The following ZFR variants were observed in gnomAD, a reference collection of about 807,000 sequenced individuals.
ZFR encodes zinc finger RNA-binding protein.
ZFR carries 19 observed loss-of-function variants against 130.7 expected under a neutral mutation model. That is an observed-to-expected ratio of 0.15 (90% CI 0.10 to 0.21). The LOEUF is 0.21. Ranked by LOEUF, ZFR falls within the 10% of genes least tolerant of loss-of-function variation. The probability of loss-of-function intolerance (pLI) is 1.00; values close to 1 mark genes in which losing one functional copy is unlikely to be tolerated. For synonymous variants in ZFR, 466 were observed against 456.9 expected, an observed-to-expected ratio of 1.02 and a Z score of -0.25; for missense variants, 872 against 1,321.5, an observed-to-expected ratio of 0.66 and a Z score of 5.27.
chr5:32,436,461 ATTCT>A (rs1361935193), intron 2 of ZFR, among the ~76,000 whole-genome samples: 1 of 151,878 alleles, frequency 6.6e-6, no homozygotes, highest in African/African-American at 2.4e-5. Context: ...CCATAGTTGT[ATTCT>A]TTATTTTTCT....
At chr5:32,404,202 A>G in intron 6 of ZFR, 105 bp from the exon 7 acceptor site, 1 of 1,024,750 alleles carries the variant, frequency 9.8e-7, no homozygotes, top group Non-Finnish European at 1.4e-6. Context: ...AATGAGACCA[A>G]AACAAACTTT....
At chr5:32,393,555 C>G (rs1419443681) in intron 11 of ZFR, among the ~76,000 whole-genome samples, 10 of 152,266 alleles carry the variant, frequency 6.6e-5, no homozygotes, top group Non-Finnish European at 1.3e-4. Context: ...GTTGGTCAGG[C>G]TGGTCTTGAA....
At position 32,428,212 on chromosome 5, in the gene ZFR, G is replaced by A. The variant is rs571024337; in HGVS notation, c.138-8109C>T. On this transcript the variant is annotated intron_variant, in intron 2 of 19. Coordinates refer to ENST00000265069, the MANE Select transcript of ZFR (RefSeq NM_016107.5). Reference sequence around the variant, plus strand: ...GCAGATCACCTGAAGTCAGGAGTTCGAGACCAGTCTGGCCAACATGGTGAA... The same window carrying A: ...GCAGATCACCTGAAGTCAGGAGTTCAAGACCAGTCTGGCCAACATGGTGAA... Among the ~76,000 whole-genome samples the A allele has an allele frequency of 2.6e-4, 39 of 152,288 alleles. 1 individual carries two copies. In the South Asian group the frequency reaches 7.5e-3, roughly 29 times the overall value.
intron 5 of ZFR, among the ~76,000 whole-genome samples, chr5:32,413,308 G>A (rs1443486565): frequency 6.6e-6 from 1 of 151,996 alleles, no homozygotes; most frequent in Non-Finnish European, 1.5e-5. Context: ...TTAGTGACAC[G>A]AAAGGCAATC....
chr5:32,395,089 T>A lies in ZFR; in HGVS notation c.1979+70A>T, dbSNP rs1443333239. 4.8e-6 allele frequency: 7 copies of A among 1,473,418 alleles called. No homozygotes were observed. In the Admixed American group the frequency reaches 1.8e-4, roughly 37 times the overall value. The allele number at this position is 1,473,418 out of a possible 1,614,324, so 91.3% of individuals were successfully genotyped here. A position where few individuals can be genotyped will look rare whatever the true frequency, so the allele number is the denominator to read the frequency against. On this transcript the variant is annotated intron_variant, in intron 11 of 19. Coordinates refer to ENST00000265069, the MANE Select transcript of ZFR (RefSeq NM_016107.5). ...TGGATTGCTTTGAATGGGAGTCACA[T>A]GCTCAGAATGGCTAAGTTTTTAAGA... is the stretch of plus-strand genomic sequence containing the variant.
chr5:32,422,798 CAAAAAAAAAAAAAAA>C (rs10693151), intron 2 of ZFR, among the ~76,000 whole-genome samples: 1 of 24,004 alleles, frequency 4.2e-5, no homozygotes, highest in Non-Finnish European at 7.2e-5. Context: ...AAACCTGTCT[CAAAAAAAAAAAAAAA>C]AAAAAAAAAG....
chr5:32,434,106 G>C (rs1213176761), intron 2 of ZFR, among the ~76,000 whole-genome samples: 2 of 152,220 alleles, frequency 1.3e-5, no homozygotes, highest in South Asian at 2.1e-4. Flanking sequence ...ATTCTGCCAA[G>C]TATCTGCTTA....
intron 6 of ZFR, among the ~76,000 whole-genome samples, chr5:32,406,548 G>A (rs191182859): frequency 1.8e-4 from 27 of 151,050 alleles, no homozygotes; most frequent in Admixed American, 7.9e-4. Flanking sequence ...GTCTCTTTCC[G>A]GAAAAAAAAG....
chr5:32,380,698 A>T (rs1045502455), intron 15 of ZFR, among the ~76,000 whole-genome samples: 24 of 124,034 alleles, frequency 1.9e-4, no homozygotes, highest in Admixed American at 4.8e-4. Context: ...TCTGTCCCCC[A>T]GGCTGGAGTG....
chr5:32,422,407 G>A (rs994170748), intron 2 of ZFR, among the ~76,000 whole-genome samples: 1 of 152,158 alleles, frequency 6.6e-6, no homozygotes, highest in African/African-American at 2.4e-5. Flanking sequence ...AGCAGATTTA[G>A]CAATTGCTAT....
Position 32,415,485 on chromosome 5 carries a change from AGT to A in ZFR, c.566-300_566-299del, listed in dbSNP as rs3065262. Among the ~76,000 whole-genome samples the A allele has an allele frequency of 1.9e-3, 255 of 136,310 alleles. 3 individuals are homozygous for A. Among genetic ancestry groups the A allele is most frequent in the Middle Eastern group, 0.011 (3 of 268 alleles). The allele number at this position is 136,310 out of a possible 152,430, so 89.4% of individuals were successfully genotyped here. On this transcript the variant is annotated intron_variant, in intron 4 of 19. Transcript: ENST00000265069. ...CACTAAACAAACTTTTCTGAAAAGGAGTGTGTGTGTGTGTGTGTGTGTGTGTG... is the reference window on the plus strand; with the variant it reads ...CACTAAACAAACTTTTCTGAAAAGGAGTGTGTGTGTGTGTGTGTGTGTGTG...
chr5:32,364,058 C>T lies in ZFR; in HGVS notation c.2948-13G>A. On this transcript the variant is annotated splice_polypyrimidine_tract_variant and intron_variant, in intron 18 of 19. Coordinates refer to ENST00000265069, the MANE Select transcript of ZFR (RefSeq NM_016107.5). ...AGTCCAGGACTACCTACAGCAATCA[C>T]CACAGGGAGAGGAAATTATTAGCAT... 1.2e-6 allele frequency: 2 copies of T among 1,611,876 alleles called. No individual in the cohort carries two copies. The highest frequency in any genetic ancestry group is 1.7e-6 in the Non-Finnish European group (2 of 1,178,364).
chr5:32,416,628 A>AAAAAC (rs1753832506), intron 4 of ZFR, among the ~76,000 whole-genome samples: 1 of 151,470 alleles, frequency 6.6e-6, no homozygotes, highest in Non-Finnish European at 1.5e-5. Context: ...AAAAAAAAAA[A>AAAAAC]GAGAAGAGAC....
intron 9 of ZFR, 59 bp from the exon 10 acceptor site, chr5:32,397,397 C>A (rs1753337793): frequency 1.3e-6 from 2 of 1,571,070 alleles, no homozygotes; most frequent in Non-Finnish European, 8.7e-7. Context: ...CATTCATAAA[C>A]CCCCACATAT....
intron 3 of ZFR, among the ~76,000 whole-genome samples, chr5:32,417,998 C>T (rs1030550920): frequency 2.6e-5 from 4 of 152,128 alleles, no homozygotes; most frequent in Admixed American, 6.5e-5. Context: ...CGGTGGCTCA[C>T]GCCTGTAATC....
chr5:32,423,255 C>T (rs564065244), intron 2 of ZFR, among the ~76,000 whole-genome samples: 1 of 152,128 alleles, frequency 6.6e-6, no homozygotes, highest in East Asian at 1.9e-4. Flanking sequence ...ATCACTTGAG[C>T]CCAGGAGGCA....
intron 17 of ZFR, among the ~76,000 whole-genome samples, chr5:32,375,740 C>A (rs920130144): frequency 6.6e-6 from 1 of 152,178 alleles, no homozygotes; most frequent in Non-Finnish European, 1.5e-5. Context: ...CTCCGGGACT[C>A]AAGCGATCCT....
chr5:32,417,758 G>A lies in ZFR; in HGVS notation c.455C>T (p.Ala152Val), dbSNP rs1753859225. 3 of 1,613,960 alleles carry A rather than the reference G, an allele frequency of 1.9e-6. No homozygotes were observed. Among genetic ancestry groups the A allele is most frequent in the Non-Finnish European group, 2.5e-6 (3 of 1,179,868 alleles). The change falls in exon 4 of 20, where the codon GCT becomes GTT. Residue 152 changes from alanine to valine, a missense_variant. Physicochemically the swap from Ala to Val is moderately conservative, Grantham distance 64. Around this residue, in one of 7 missense-constraint regions of ZFR, gnomAD observed 240 missense variants for 441.2 expected, o/e 0.54. Transcript: ENST00000265069. ...SYSYVRSTAP[A>V]VAYDSKQYYQ... is the part of the protein sequence containing the mutation. ...GTATTGCTTACTATCATAAGCTACA[G>A]CAGGAGCTGTGGACCTTACATATGA... is the stretch of plus-strand genomic sequence containing the variant.
intron 2 of ZFR, among the ~76,000 whole-genome samples, chr5:32,435,715 C>G (rs1028359157): frequency 6.6e-6 from 1 of 152,126 alleles, no homozygotes; most frequent in Non-Finnish European, 1.5e-5. Context: ...CCATTTAATG[C>G]TGACTACCAT....
Sources: gnomAD v4.1 joint callset for allele counts (sites outside exome capture counted in the v4.1 genomes callset) on GRCh38, gnomAD v4.1.1 for gene constraint, gnomAD v4.1.1 regional missense constraint, MANE v1.5 for transcripts, NCBI Gene and HGNC (gene_info 2026-07-23, HGNC 2026-07-21) for gene names.